The following NPHP1 variants were observed in gnomAD, a reference collection of about 807,000 sequenced individuals.
NPHP1 encodes nephrocystin-1.
A neutral mutation model predicts 90.4 loss-of-function variants in NPHP1; 70 were observed. The observed-to-expected ratio is 0.77, with a 90% CI of 0.64 to 0.95. The LOEUF (loss-of-function observed/expected upper bound fraction) is 0.95. NPHP1 is among the 40% of genes least tolerant of loss of function. The pLI, the probability that NPHP1 is intolerant of heterozygous loss-of-function variation, is 0.00. For synonymous variants in NPHP1, 256 were observed against 271.7 expected (o/e 0.94, Z 0.57); for missense variants, 764 against 795.9 (o/e 0.96, Z 0.48).
intron 9 of NPHP1, among the ~76,000 whole-genome samples, chr2:110,162,519 C>G (rs868472788): frequency 1.4e-4 from 22 of 152,218 alleles, no homozygotes; most frequent in Middle Eastern, 3.4e-3. Flanking sequence ...CCTTGTCCCC[C>G]AGCATGAATC....
chr2:110,125,955 A>C (rs528533150), intron 18 of NPHP1: 1 of 483,856 alleles, frequency 2.1e-6, no homozygotes, highest in Non-Finnish European at 3.8e-6. Flanking sequence ...ACACTAACAC[A>C]TCCATGAAAA....
chr2:110,164,441 T>G (rs1166105166), intron 8 of NPHP1: 13 of 774,100 alleles, frequency 1.7e-5, no homozygotes, highest in African/African-American at 8.7e-5. Flanking sequence ...AATGAGAATG[T>G]TTCCAAGTCC....
At chr2:110,202,402 G>A (rs1312590472) in intron 1 of NPHP1, 1 of 453,916 alleles carries the variant, frequency 2.2e-6, no homozygotes, top group Middle Eastern at 3.3e-4. Flanking sequence ...TCACAGGCCT[G>A]ACTCAGAGGG....
intron 5 of NPHP1, among the ~76,000 whole-genome samples, 170 bp from the exon 6 acceptor site, chr2:110,168,723 C>G (rs1402122919): frequency 6.6e-6 from 1 of 152,102 alleles, no homozygotes; most frequent in Non-Finnish European, 1.5e-5. Context: ...CCTATGTATT[C>G]TGCCTAACTC....
chr2:110,131,814 A>C (rs771024630), intron 16 of NPHP1, 23 bp from the exon 17 acceptor site: 1 of 1,374,500 alleles, frequency 7.3e-7, no homozygotes, highest in South Asian at 1.2e-5. Flanking sequence ...AAAAAAATGT[A>C]TTCATTAGAC....
intron 4 of NPHP1, 141 bp downstream of exon 4, chr2:110,178,282 C>T: frequency 1.2e-6 from 1 of 841,812 alleles, no homozygotes; most frequent in Non-Finnish European, 1.9e-6. Flanking sequence ...TTCTATTATA[C>T]ACAATAAATA....
intron 11 of NPHP1, among the ~76,000 whole-genome samples, chr2:110,156,760 G>A (rs61564798): frequency 6.1e-4 from 91 of 150,316 alleles, no homozygotes; most frequent in African/African-American, 2.2e-3. Flanking sequence ...TTTTGTGTGT[G>A]TGTATGTGTT....
Position 110,202,525 on chromosome 2 carries a change from T to C in NPHP1, c.70-1031A>G, listed in dbSNP as rs148319083. ...TAGCTAATACTATCAAAACAAACTT[T>C]CCAGATAGTCAAGGTATCAAAAGGC... On this transcript the variant is annotated intron_variant, in intron 1 of 19. Transcript: ENST00000445609. 5.8e-3 allele frequency: 2,467 copies of C among 425,930 alleles called. 10 individuals are homozygous for C. Among genetic ancestry groups the C allele is most frequent in the Non-Finnish European group, 9.7e-3 (1,993 of 206,140 alleles). The allele number at this position is 425,930 out of a possible 1,614,324, so 26.4% of individuals were successfully genotyped here.
intron 11 of NPHP1, among the ~76,000 whole-genome samples, chr2:110,154,074 A>G (rs1305725703): frequency 6.6e-6 from 1 of 152,078 alleles, no homozygotes; most frequent in Non-Finnish European, 1.5e-5. Flanking sequence ...AACTCCCACA[A>G]TTCTCACATG....
At position 110,169,680 on chromosome 2, in the gene NPHP1, A is replaced by C. The variant is rs1460408592; in HGVS notation, c.522+126T>G. 3 of 699,812 alleles carry C rather than the reference A, an allele frequency of 4.3e-6. No individual in the cohort carries two copies. In the African/African-American group the frequency reaches 5.4e-5, roughly 12 times the overall value. 43.4% of individuals were successfully genotyped at this position (699,812 alleles called of 1,614,324 possible). On this transcript the variant is annotated intron_variant, in intron 5 of 19. Transcript: ENST00000445609. ...TGCTTGTAAATTGTAATTATTACTT[A>C]TTTAAATAGATTGTTATAAAACTGC...
At chr2:110,125,164 T>C in intron 19 of NPHP1, 1 of 1,519,990 alleles carries the variant, frequency 6.6e-7, no homozygotes, top group Non-Finnish European at 8.8e-7. Context: ...AAATCCTGGA[T>C]GAGAGCAGTC....
At position 110,147,912 on chromosome 2, in the gene NPHP1, A is replaced by G. The variant is rs1681179538; in HGVS notation, c.1269+4T>C. On this transcript the variant is annotated splice_donor_region_variant and intron_variant, in intron 13 of 19. Transcript: ENST00000445609. ...TAGAAAGCCTTATCTTTCAACGGAC[A>G]TACATTGCGAATATAAGAAATTCCA... The G allele has an allele frequency of 1.4e-6, 2 of 1,475,710 alleles. No homozygotes were observed. Among genetic ancestry groups the G allele is most frequent in the African/African-American group, 1.4e-5 (1 of 72,274 alleles). 91.4% of individuals were successfully genotyped at this position (1,475,710 alleles called of 1,614,324 possible).
chr2:110,129,097 A>C, intron 18 of NPHP1, 89 bp downstream of exon 18: 2 of 773,534 alleles, frequency 2.6e-6, no homozygotes, highest in African/African-American at 2.1e-5. Flanking sequence ...CTAGTAACAA[A>C]AAAAAAGGCC....
chr2:110,134,122 G>A (rs2104445716), intron 16 of NPHP1, among the ~76,000 whole-genome samples: 1 of 152,100 alleles, frequency 6.6e-6, no homozygotes, highest in Middle Eastern at 3.4e-3. Flanking sequence ...TAGTGAGAAT[G>A]ACTAAGGAAC....
At chr2:110,183,010 A>T (rs1684012532) in intron 2 of NPHP1, among the ~76,000 whole-genome samples, 1 of 152,136 alleles carries the variant, frequency 6.6e-6, no homozygotes. Context: ...TTCTGACAAA[A>T]CAGACTTTAA....
intron 18 of NPHP1, 40 bp downstream of exon 18, chr2:110,129,146 C>T (rs751837635): frequency 2.0e-6 from 3 of 1,504,296 alleles, no homozygotes; most frequent in Admixed American, 3.4e-5. Flanking sequence ...TAACTGCTTC[C>T]ATAAGCCAGC....
chr2:110,202,649 A>G (rs1174000375), intron 1 of NPHP1, among the ~76,000 whole-genome samples: 2 of 152,178 alleles, frequency 1.3e-5, no homozygotes, highest in Non-Finnish European at 2.9e-5. Context: ...TGGTTCTCCT[A>G]ATGTCCCACT....
rs774162169 is a variant in NPHP1 at position 110,170,002 on chromosome 2, C to A, written c.330-4G>T. 5.6e-6 allele frequency: 9 copies of A among 1,613,074 alleles called. No individual in the cohort carries two copies. The highest frequency in any genetic ancestry group is 1.6e-4 in the Middle Eastern group (1 of 6,082). On this transcript the variant is annotated splice_region_variant and splice_polypyrimidine_tract_variant and intron_variant, in intron 4 of 19. Transcript: ENST00000445609. ...TTCTTCAGTAGGTGCCCCAACTCTA[C>A]AAAAAGTGTTTCTGAGTAGGACTAC...
In NPHP1 at chr2:110,131,730, G is replaced by C. The variant is rs1559045921; in HGVS notation, c.1591C>G (p.Gln531Glu). The change falls in exon 17 of 20, where the codon CAA becomes GAA. Residue 531 changes from glutamine (Q) to glutamate (E), a missense_variant. Gln to Glu is a conservative substitution (Grantham distance 29). Transcript: ENST00000445609. The part of the protein sequence containing the change: ...CSIHLLIFYR[Q>E]ILGDVLLKDR... The stretch of plus-strand genomic sequence containing the variant: ...TTCAGGAGCACATCTCCAAGAATTT[G>C]TCGATAAAATATCAACAAGTGAATA... 1.2e-6 allele frequency: 2 copies of C among 1,613,428 alleles called. No individual in the cohort carries two copies. Among genetic ancestry groups the C allele is most frequent in the East Asian group, 4.5e-5 (2 of 44,842 alleles).
Sources: gnomAD v4.1 joint callset for allele counts (sites outside exome capture counted in the v4.1 genomes callset) on GRCh38, gnomAD v4.1.1 for gene constraint, MANE v1.5 for transcripts, NCBI Gene and HGNC (gene_info 2026-07-23, HGNC 2026-07-21) for gene names.